DIAPH1: variants seen among roughly 807,000 people sequenced by gnomAD.
DIAPH1 encodes diaphanous related formin 1, also known as protein diaphanous homolog 1.
A neutral mutation model predicts 140.7 loss-of-function variants in DIAPH1; 46 were observed. The ratio of observed to expected loss-of-function variants is 0.33; its 90% CI spans 0.26 to 0.42. The LOEUF is 0.42. Among genes scored for constraint, DIAPH1 ranks in the 10% least tolerant of loss-of-function variants. The pLI, the probability that DIAPH1 is intolerant of heterozygous loss-of-function variation, is 1.00. For missense variants in DIAPH1, 1,310 were observed against 1,558.7 expected (o/e 0.84, Z 2.69); for synonymous variants, 565 against 551.6 (o/e 1.02, Z -0.34).
At chr5:141,519,428 C>CAG (rs1192689826) in intron 27 of DIAPH1, among the ~76,000 whole-genome samples, 10 of 152,248 alleles carry the variant, frequency 6.6e-5, no homozygotes, top group African/African-American at 1.9e-4. Context: ...GTTGAAATAA[C>CAG]ATCTGACTCC....
intron 6 of DIAPH1, among the ~76,000 whole-genome samples, 179 bp from the exon 7 acceptor site, chr5:141,582,554 C>CA (rs2099896933): frequency 6.6e-6 from 1 of 152,152 alleles, no homozygotes; most frequent in African/African-American, 2.4e-5. Context: ...GGATCTTCAC[C>CA]ATCAACAAAT....
At chr5:141,584,274 T>C (rs1469939732) in intron 3 of DIAPH1, 49 bp from the exon 4 acceptor site, 2 of 1,081,730 alleles carry the variant, frequency 1.8e-6, no homozygotes, top group Non-Finnish European at 1.4e-6. Flanking sequence ...TCAAATTCTT[T>C]ACAAATTTTT....
intron 18 of DIAPH1, among the ~76,000 whole-genome samples, chr5:141,566,156 A>C (rs1182496644): frequency 2.0e-5 from 3 of 152,194 alleles, no homozygotes; most frequent in African/African-American, 7.2e-5. Flanking sequence ...TGGGGTCAGG[A>C]TAGCAAAGGG....
At chr5:141,552,694 TA>T (rs1562303570) in intron 18 of DIAPH1, among the ~76,000 whole-genome samples, 1 of 152,132 alleles carries the variant, frequency 6.6e-6, no homozygotes, top group Non-Finnish European at 1.5e-5. Flanking sequence ...ATACACTCAA[TA>T]TATATGGAAA....
chr5:141,560,360 C>T (rs541513479), intron 18 of DIAPH1, among the ~76,000 whole-genome samples: 3 of 152,280 alleles, frequency 2.0e-5, no homozygotes, highest in African/African-American at 7.2e-5. Context: ...GCATTCTTGC[C>T]ACTCCCTTTC....
chr5:141,598,294 G>A (rs189645184), intron 1 of DIAPH1, among the ~76,000 whole-genome samples: 1 of 152,192 alleles, frequency 6.6e-6, no homozygotes, highest in Admixed American at 6.5e-5. Flanking sequence ...TATTCTATAG[G>A]AGTTTTTATG....
intron 1 of DIAPH1, among the ~76,000 whole-genome samples, chr5:141,589,954 T>C (rs960021221): frequency 6.6e-6 from 1 of 152,100 alleles, no homozygotes; most frequent in Non-Finnish European, 1.5e-5. Context: ...TCTCCCTGTG[T>C]TGCCCAGGCT....
intron 18 of DIAPH1, chr5:141,563,519 C>G (rs1166579958): frequency 6.6e-6 from 1 of 152,026 alleles, no homozygotes; most frequent in East Asian, 1.9e-4. Context: ...TTACTGGTAT[C>G]AACAGACATT....
intron 12 of DIAPH1, among the ~76,000 whole-genome samples, chr5:141,577,230 A>G (rs145922187): frequency 2.5e-3 from 386 of 152,212 alleles, no homozygotes; most frequent in Middle Eastern, 6.8e-3. Context: ...TCTTCATCCT[A>G]TTTACCTACT....
chr5:141,518,454 A>G (rs1190405246), intron 27 of DIAPH1, among the ~76,000 whole-genome samples: 1 of 151,876 alleles, frequency 6.6e-6, no homozygotes, highest in Non-Finnish European at 1.5e-5. Context: ...CAGCTGCATG[A>G]CTGGAATGAA....
intron 18 of DIAPH1, among the ~76,000 whole-genome samples, chr5:141,555,901 G>A (rs929051418): frequency 3.9e-5 from 6 of 152,090 alleles, no homozygotes; most frequent in African/African-American, 1.4e-4. Context: ...ACTAGACATG[G>A]GGCCAATCTA....
chr5:141,578,162 G>T, intron 11 of DIAPH1, 63 bp downstream of exon 11: 1 of 1,194,742 alleles, frequency 8.4e-7, no homozygotes, highest in Non-Finnish European at 1.3e-6. Flanking sequence ...TTCCACACAG[G>T]GATCAGGGAA....
At chr5:141,615,558 G>A (rs1382012648) in intron 1 of DIAPH1, among the ~76,000 whole-genome samples, 4 of 151,832 alleles carry the variant, frequency 2.6e-5, no homozygotes, top group South Asian at 4.2e-4. Context: ...TGGCTAACAC[G>A]GTGAAACCCC....
At chr5:141,561,684 T>C (rs1322786074) in intron 18 of DIAPH1, 1 of 152,236 alleles carries the variant, frequency 6.6e-6, no homozygotes, top group East Asian at 1.9e-4. Context: ...TCCCTTCTAA[T>C]CTTTCACTAA....
chr5:141,580,431 C>T (rs1025088486), intron 8 of DIAPH1, among the ~76,000 whole-genome samples: 4 of 150,582 alleles, frequency 2.7e-5, no homozygotes, highest in Non-Finnish European at 4.4e-5. Context: ...TTAAAAATAA[C>T]ATTGTGCCAC....
At chr5:141,550,545 G>A (rs2154595612) in intron 18 of DIAPH1, 1 of 154,446 alleles carries the variant, frequency 6.5e-6, no homozygotes, top group Middle Eastern at 5.2e-4. Context: ...CCGCTCTTGT[G>A]TAAGAACTCT....
At chr5:141,529,945 G>T (rs931325688) in intron 19 of DIAPH1, among the ~76,000 whole-genome samples, 2 of 152,092 alleles carry the variant, frequency 1.3e-5, no homozygotes, top group African/African-American at 4.8e-5. Context: ...CTAGCCAGGC[G>T]TGGTGGTGTG....
chr5:141,566,611 T>C (rs1186537101), intron 18 of DIAPH1, among the ~76,000 whole-genome samples: 1 of 152,170 alleles, frequency 6.6e-6, no homozygotes, highest in Non-Finnish European at 1.5e-5. Flanking sequence ...AACAATCACA[T>C]GGGCTGGGCC....
At chr5:141,546,634 C>T (rs552095513) in intron 18 of DIAPH1, among the ~76,000 whole-genome samples, 165 of 145,786 alleles carry the variant, frequency 1.1e-3, no homozygotes, top group African/African-American at 3.5e-3. Flanking sequence ...CCAGCCTGGG[C>T]GACAGAATGA....
Sources: allele counts gnomAD v4.1 joint callset (sites outside exome capture counted in the v4.1 genomes callset), GRCh38; gene constraint gnomAD v4.1.1; transcripts MANE v1.5; gene names NCBI Gene and HGNC (gene_info 2026-07-23, HGNC 2026-07-21).